Variants in SDK1 observed in about 807,000 individuals in gnomAD.
The protein encoded by SDK1 is sidekick cell adhesion molecule 1.
A neutral mutation model predicts 245.5 loss-of-function variants in SDK1; 157 were observed. The observed-to-expected ratio is 0.64, with a 90% confidence interval of 0.56 to 0.73. The LOEUF is 0.73. Ranked by LOEUF, SDK1 falls within the 30% of genes least tolerant of loss-of-function variation. The pLI is 0.00. For missense variants in SDK1, 3,583 were observed against 3,002.3 expected (o/e 1.19, Z -4.52); for synonymous variants, 1,647 against 1,278.5 (o/e 1.29, Z -6.15).
chr7:3,803,108 T>A (rs1303720219), intron 4 of SDK1, among the ~76,000 whole-genome samples: 3 of 152,178 alleles, frequency 2.0e-5, no homozygotes, highest in Admixed American at 1.3e-4. Flanking sequence ...AGCTCCAGTT[T>A]CTCTGCATTA....
At chr7:3,383,919 G>T (rs1333268226) in intron 1 of SDK1, among the ~76,000 whole-genome samples, 1 of 152,036 alleles carries the variant, frequency 6.6e-6, no homozygotes, top group African/African-American at 2.4e-5. Flanking sequence ...TCAATCTTAT[G>T]GGTCACAACA....
At chr7:3,990,114 C>T (rs1449505984) in intron 14 of SDK1, among the ~76,000 whole-genome samples, 1 of 152,252 alleles carries the variant, frequency 6.6e-6, no homozygotes, top group African/African-American at 2.4e-5. Context: ...GAGGAAGCCA[C>T]TCTGTGAATC....
chr7:3,327,599 T>A (rs932897570), intron 1 of SDK1, among the ~76,000 whole-genome samples: 1 of 152,062 alleles, frequency 6.6e-6, no homozygotes, highest in Admixed American at 6.6e-5. Flanking sequence ...AAAAATAATA[T>A]TCCAACTGAA....
At chr7:3,822,607 A>C (rs1738645655) in intron 5 of SDK1, among the ~76,000 whole-genome samples, 1 of 151,984 alleles carries the variant, frequency 6.6e-6, no homozygotes, top group African/African-American at 2.4e-5. Context: ...CTGTCTCTAC[A>C]AAAAATGCAA....
chr7:3,466,373 A>T (rs947481758), intron 1 of SDK1, among the ~76,000 whole-genome samples: 3 of 150,738 alleles, frequency 2.0e-5, no homozygotes, highest in African/African-American at 7.3e-5. Flanking sequence ...ACATCAAGCC[A>T]TGCTGGCTCT....
intron 7 of SDK1, among the ~76,000 whole-genome samples, chr7:3,954,004 C>T (rs1781038642): frequency 6.6e-6 from 1 of 152,288 alleles, no homozygotes; most frequent in East Asian, 1.9e-4. Context: ...CACCATGTAC[C>T]TGTCAAAAGG....
chr7:3,481,013 T>C (rs1781505875), intron 1 of SDK1, among the ~76,000 whole-genome samples: 1 of 152,230 alleles, frequency 6.6e-6, no homozygotes, highest in Non-Finnish European at 1.5e-5. Flanking sequence ...TTTTGAATTT[T>C]TTACCTATTC....
At chr7:4,206,187 AG>A (rs1367618217) in intron 36 of SDK1, among the ~76,000 whole-genome samples, 193 bp downstream of exon 36, 1 of 152,216 alleles carries the variant, frequency 6.6e-6, no homozygotes, top group Non-Finnish European at 1.5e-5. Context: ...GAGGCAGCAC[AG>A]GGGCCAGGCT....
chr7:3,897,157 G>C (rs1409817664), intron 5 of SDK1, among the ~76,000 whole-genome samples: 1 of 152,196 alleles, frequency 6.6e-6, no homozygotes, highest in Non-Finnish European at 1.5e-5. Context: ...ATTACAACTT[G>C]AGATGACATT....
chr7:3,520,833 A>T (rs796896340), intron 1 of SDK1, among the ~76,000 whole-genome samples: 5 of 152,316 alleles, frequency 3.3e-5, no homozygotes, highest in Admixed American at 1.3e-4. Context: ...TTGCACAGCC[A>T]TATTTGTGAG....
At chr7:3,833,562 C>T (rs1779962283) in intron 5 of SDK1, among the ~76,000 whole-genome samples, 1 of 152,174 alleles carries the variant, frequency 6.6e-6, no homozygotes, top group African/African-American at 2.4e-5. Context: ...CTTATATCCT[C>T]ATTAGTCAGA....
chr7:3,396,821 G>T (rs1332768272), intron 1 of SDK1, among the ~76,000 whole-genome samples: 1 of 151,480 alleles, frequency 6.6e-6, no homozygotes, highest in Non-Finnish European at 1.5e-5. Context: ...TGCACCTTTT[G>T]ATTAGATGGT....
In SDK1 at chr7:4,241,778, C is replaced by T. The variant is rs199602256; in HGVS notation, c.6131-15C>T. 406 of 1,614,004 alleles carry T rather than the reference C, an allele frequency of 2.5e-4. 2 individuals are homozygous for T. In the African/African-American group the frequency reaches 4.9e-3, roughly 20 times the overall value. On this transcript the variant is annotated splice_polypyrimidine_tract_variant and intron_variant, in intron 42 of 44. Coordinates refer to ENST00000404826, the MANE Select transcript of SDK1 (RefSeq NM_152744.4). ...CCAGTAACACGTCTGTTCTCACTCT[C>T]CTGCTGGGCTTTAGGAAAGGGGATC...
chr7:3,638,616 A>T (rs1048649488), intron 2 of SDK1, among the ~76,000 whole-genome samples: 2 of 122,478 alleles, frequency 1.6e-5, no homozygotes, highest in African/African-American at 3.2e-5. Context: ...GGGAAACATC[A>T]CACACCGGGG....
At chr7:3,854,698 C>T (rs1032623066) in intron 5 of SDK1, among the ~76,000 whole-genome samples, 1 of 152,216 alleles carries the variant, frequency 6.6e-6, no homozygotes, top group South Asian at 2.1e-4. Context: ...CTTCTGTAAA[C>T]ATTGAAAGAA....
intron 20 of SDK1, among the ~76,000 whole-genome samples, chr7:4,073,469 T>C (rs1289908691): frequency 6.6e-6 from 1 of 152,248 alleles, no homozygotes; most frequent in Non-Finnish European, 1.5e-5. Context: ...ACACTGCTCT[T>C]CCTGAAGATG....
chr7:4,086,243 A>G (rs1365333830), intron 22 of SDK1, among the ~76,000 whole-genome samples: 3 of 152,086 alleles, frequency 2.0e-5, no homozygotes, highest in Non-Finnish European at 4.4e-5. Context: ...GGGTTTGTTT[A>G]TGTAGCTAGT....
chr7:4,029,393 T>G (rs1260653537), intron 17 of SDK1, among the ~76,000 whole-genome samples: 1 of 151,994 alleles, frequency 6.6e-6, no homozygotes, highest in African/African-American at 2.4e-5. Context: ...GTATTTTTAG[T>G]GGAGACAGGA....
Position 4,122,486 on chromosome 7 carries a change from T to C in SDK1, c.3824-4895T>C, listed in dbSNP as rs147520664. ...TCCTGGGAGCTTAGGAATGGCCCAG[T>C]GTGCAGGAGTGCTGAAAACACGCAG... On this transcript the variant is annotated intron_variant, in intron 25 of 44. Coordinates refer to ENST00000404826, the MANE Select transcript of SDK1 (RefSeq NM_152744.4). Among the ~76,000 whole-genome samples, 382 of 152,278 alleles carry C rather than the reference T, an allele frequency of 2.5e-3. 3 individuals are homozygous for C. Among genetic ancestry groups the C allele is most frequent in the African/African-American group, 8.7e-3 (361 of 41,576 alleles).
Sources: gnomAD v4.1 joint callset for allele counts (sites outside exome capture counted in the v4.1 genomes callset) on GRCh38, gnomAD v4.1.1 for gene constraint, MANE v1.5 for transcripts, NCBI Gene and HGNC (gene_info 2026-07-23, HGNC 2026-07-21) for gene names.